Variants in KIAA1549 observed in about 807,000 individuals in gnomAD.
KIAA1549 encodes the protein UPF0606 protein KIAA1549.
A neutral mutation model predicts 156.4 loss-of-function variants in KIAA1549; 70 were observed. That is an observed-to-expected ratio of 0.45 (90% CI 0.37 to 0.55). The LOEUF is 0.55. KIAA1549 is among the 20% of genes least tolerant of loss of function. The probability of loss-of-function intolerance (pLI) is 0.00; values close to 1 mark genes in which losing one functional copy is unlikely to be tolerated. For missense variants in KIAA1549, 2,428 were observed against 2,540.9 expected, an observed-to-expected ratio of 0.96 and a Z score of 0.96; for synonymous variants, 1,103 against 1,066.4, an observed-to-expected ratio of 1.03 and a Z score of -0.67.
intron 1 of KIAA1549, among the ~76,000 whole-genome samples, chr7:138,958,783 C>CCAAA (rs1307559353): frequency 6.6e-6 from 1 of 152,212 alleles, no homozygotes; most frequent in African/African-American, 2.4e-5. Context: ...CCAAGATGAT[C>CCAAA]CAAACAAACC....
chr7:138,957,559 C>A (rs1473648844), intron 1 of KIAA1549, among the ~76,000 whole-genome samples: 2 of 151,778 alleles, frequency 1.3e-5, no homozygotes, highest in African/African-American at 4.8e-5. Flanking sequence ...CTCACTGCAA[C>A]CTCTGCCTCC....
intron 10 of KIAA1549, among the ~76,000 whole-genome samples, chr7:138,886,432 G>A (rs1282551057): frequency 1.3e-5 from 2 of 151,916 alleles, no homozygotes; most frequent in African/African-American, 2.4e-5. Flanking sequence ...GTGCCATCAC[G>A]CCTGGCTAAT....
intron 18 of KIAA1549, among the ~76,000 whole-genome samples, chr7:138,842,879 G>A (rs1312717621): frequency 6.6e-6 from 1 of 151,986 alleles, no homozygotes; most frequent in Non-Finnish European, 1.5e-5. Flanking sequence ...TGAGTATCTG[G>A]GGAAACTAAC....
intron 10 of KIAA1549, among the ~76,000 whole-genome samples, chr7:138,892,677 A>AT (rs1215473939): frequency 2.0e-5 from 3 of 152,162 alleles, no homozygotes; most frequent in African/African-American, 7.2e-5. Context: ...AATACTTTGC[A>AT]TTTTTTTGTT....
At chr7:138,977,521 C>T (rs1442117203) in intron 1 of KIAA1549, among the ~76,000 whole-genome samples, 1 of 152,166 alleles carries the variant, frequency 6.6e-6, no homozygotes, top group Non-Finnish European at 1.5e-5. Context: ...TCAAAAATTG[C>T]TTCATTCAAA....
intron 1 of KIAA1549, among the ~76,000 whole-genome samples, chr7:138,931,551 A>G (rs1054430455): frequency 6.6e-5 from 10 of 152,080 alleles, no homozygotes; most frequent in African/African-American, 1.2e-4. Flanking sequence ...CAGGACTTCA[A>G]GACCAGCCTG....
intron 1 of KIAA1549, among the ~76,000 whole-genome samples, chr7:138,936,448 C>A (rs1813012328): frequency 6.6e-6 from 1 of 152,166 alleles, no homozygotes; most frequent in Non-Finnish European, 1.5e-5. Flanking sequence ...CCGCTCAGAG[C>A]CCTGCCTCGC....
chr7:138,833,415 G>A lies in KIAA1549; in HGVS notation c.*4491C>T, dbSNP rs1809599696. ...AAAGTTGTGCGAAAGAAGGAACGCT[G>A]AACCTGTCCACGGGAAACGGGAGAC... On this transcript the variant is annotated 3_prime_UTR_variant, in exon 20 of 20. Transcript: ENST00000422774. The A allele has an allele frequency of 8.6e-6, 2 of 232,504 alleles. No individual in the cohort carries two copies. The highest frequency in any genetic ancestry group is 1.8e-4 in the South Asian group (1 of 5,522). 14.4% of individuals were successfully genotyped at this position (232,504 alleles called of 1,614,324 possible). A position where few individuals can be genotyped will look rare whatever the true frequency, so the allele number is the denominator to read the frequency against.
At chr7:138,911,107 C>T in intron 4 of KIAA1549, 39 bp downstream of exon 4, 1 of 1,316,248 alleles carries the variant, frequency 7.6e-7, no homozygotes, top group Non-Finnish European at 1.0e-6. Context: ...AAATGAAATT[C>T]TTTTTACAAA....
intron 2 of KIAA1549, 151 bp downstream of exon 2, chr7:138,916,597 G>C (rs996764795): frequency 7.8e-7 from 1 of 1,273,894 alleles, no homozygotes; most frequent in Non-Finnish European, 1.1e-6. Context: ...CTGAGAACTC[G>C]CAGGAGGTAA....
chr7:138,939,995 T>A (rs1813129784), intron 1 of KIAA1549, among the ~76,000 whole-genome samples: 1 of 152,142 alleles, frequency 6.6e-6, no homozygotes, highest in Admixed American at 6.5e-5. Flanking sequence ...AAAAAAATTT[T>A]TTTTTTAATT....
chr7:138,837,707 C>T lies in KIAA1549; in HGVS notation c.*199G>A, dbSNP rs1021639395. On this transcript the variant is annotated 3_prime_UTR_variant, in exon 20 of 20. Transcript: ENST00000422774. ...TATATTTCAACTGAACCCAAGTGTT[C>T]AGACAATTGCCAGCCCAGTGAAAGG... 1.6e-6 allele frequency: 1 copy of T among 612,756 alleles called. No individual in the cohort carries two copies. The highest frequency in any genetic ancestry group is 2.8e-5 in the East Asian group (1 of 35,652). The allele number at this position is 612,756 out of a possible 1,614,324, so 38.0% of individuals were successfully genotyped here. A position where few individuals can be genotyped will look rare whatever the true frequency, so the allele number is the denominator to read the frequency against.
intron 10 of KIAA1549, among the ~76,000 whole-genome samples, chr7:138,885,237 AAAT>A (rs1006128702): frequency 1.1e-4 from 17 of 152,180 alleles, no homozygotes; most frequent in African/African-American, 2.9e-4. Context: ...CTGTTTCAAA[AAAT>A]AATAATAATA....
intron 1 of KIAA1549, among the ~76,000 whole-genome samples, chr7:138,943,185 T>C (rs1281993266): frequency 6.6e-6 from 1 of 152,196 alleles, no homozygotes; most frequent in Non-Finnish European, 1.5e-5. Flanking sequence ...CTCCAGAGTG[T>C]TTGCTTTGTG....
At chr7:138,970,877 C>A (rs1243721253) in intron 1 of KIAA1549, among the ~76,000 whole-genome samples, 3 of 152,178 alleles carry the variant, frequency 2.0e-5, no homozygotes, top group Non-Finnish European at 4.4e-5. Context: ...TTCAGACTGT[C>A]CGGCTCCACA....
Position 138,905,006 on chromosome 7 carries a change from C to T in KIAA1549, c.3520+16G>A, listed in dbSNP as rs1489934148. 4 of 1,517,126 alleles carry T rather than the reference C, an allele frequency of 2.6e-6. No individual in the cohort carries two copies. The highest frequency in any genetic ancestry group is 2.7e-6 in the Non-Finnish European group (3 of 1,112,760). The allele number at this position is 1,517,126 out of a possible 1,614,324, so 94.0% of individuals were successfully genotyped here. A position where few individuals can be genotyped will look rare whatever the true frequency, so the allele number is the denominator to read the frequency against. ...TCTCCTTACAGTTCCCAAAATATTACATAAGTTAAACATACCTGTTCTGAC... is the reference window on the plus strand; with the variant it reads ...TCTCCTTACAGTTCCCAAAATATTATATAAGTTAAACATACCTGTTCTGAC... On this transcript the variant is annotated intron_variant, in intron 7 of 19. Coordinates refer to ENST00000422774, the MANE Select transcript of KIAA1549 (RefSeq NM_001164665.2).
chr7:138,954,423 G>C (rs1813599975), intron 1 of KIAA1549, among the ~76,000 whole-genome samples: 1 of 152,140 alleles, frequency 6.6e-6, no homozygotes, highest in Non-Finnish European at 1.5e-5. Flanking sequence ...TTAGACTACA[G>C]AAGACCTGAA....
chr7:138,923,338 C>T (rs180783316), intron 1 of KIAA1549, among the ~76,000 whole-genome samples: 3 of 152,306 alleles, frequency 2.0e-5, no homozygotes, highest in Admixed American at 6.5e-5. Flanking sequence ...TGGTGGCTCA[C>T]GCCTGTAATC....
intron 2 of KIAA1549, among the ~76,000 whole-genome samples, chr7:138,916,320 A>T (rs1812319433): frequency 6.6e-6 from 1 of 152,206 alleles, no homozygotes; most frequent in Non-Finnish European, 1.5e-5. Context: ...TCATCCATGC[A>T]CCTACTGGGT....
Sources: gnomAD v4.1 joint callset for allele counts (sites outside exome capture counted in the v4.1 genomes callset) on GRCh38, gnomAD v4.1.1 for gene constraint, MANE v1.5 for transcripts, NCBI Gene and HGNC (gene_info 2026-07-23, HGNC 2026-07-21) for gene names.